Variants in SP110 observed in about 807,000 individuals in gnomAD.
The protein encoded by SP110 is SP110 nuclear body protein.
SP110 carries 62 observed loss-of-function variants against 92.7 expected under a neutral mutation model. The ratio of observed to expected loss-of-function variants is 0.67; its 90% confidence interval spans 0.55 to 0.83. The LOEUF (loss-of-function observed/expected upper bound fraction) is 0.83, where lower values mean the gene tolerates loss of function less well. Among genes scored for constraint, SP110 ranks in the 40% least tolerant of loss-of-function variants. The pLI, the probability that SP110 is intolerant of heterozygous loss-of-function variation, is 0.00. For missense variants in SP110, 793 were observed against 863.9 expected, an observed-to-expected ratio of 0.92 and a Z score of 1.03; for synonymous variants, 273 against 305.3, an observed-to-expected ratio of 0.89 and a Z score of 1.10.
rs539871278 is a variant in SP110 at position 230,189,872 on chromosome 2, CTT to C, written c.1130-3731_1130-3730del. Among the ~76,000 whole-genome samples, 88 of 152,272 alleles carry C rather than the reference CTT, an allele frequency of 5.8e-4. 1 individual carries two copies. The highest frequency in any genetic ancestry group is 1.9e-3 in the African/African-American group (79 of 41,556). ...TCCATGTACCTGCAAAGGACATGAT[CTT>C]ATTACTTTTTATGGCTGCATAGTGT... On this transcript the variant is annotated intron_variant, in intron 10 of 18. Coordinates refer to ENST00000258381, the MANE Select transcript of SP110 (RefSeq NM_080424.4).
intron 8 of SP110, among the ~76,000 whole-genome samples, chr2:230,205,670 A>G (rs1473091571): frequency 6.6e-6 from 1 of 152,206 alleles, no homozygotes; most frequent in Non-Finnish European, 1.5e-5. Context: ...TTGTTGGAAT[A>G]AATGTCTGAA....
intron 14 of SP110, among the ~76,000 whole-genome samples, chr2:230,174,911 TGGCCCTGGAAG>T (rs2106359036): frequency 6.6e-6 from 1 of 152,338 alleles, no homozygotes; most frequent in South Asian, 2.1e-4. Context: ...TCTCCCAACC[TGGCCCTGGAAG>T]GTGGGACTGA....
In SP110 at chr2:230,172,825, G is replaced by C. The variant is rs200267588; in HGVS notation, c.1706+19C>G. The C allele has an allele frequency of 6.6e-7, 1 of 1,517,994 alleles. No homozygotes were observed. Among genetic ancestry groups the C allele is most frequent in the South Asian group, 1.1e-5 (1 of 89,184 alleles). 94.0% of individuals were successfully genotyped at this position (1,517,994 alleles called of 1,614,324 possible). A position where few individuals can be genotyped will look rare whatever the true frequency, so the allele number is the denominator to read the frequency against. On this transcript the variant is annotated intron_variant, in intron 15 of 18. Transcript: ENST00000258381. ...GAGGTGAGTGCTGTGTGCCCGAGGC[G>C]GGGCTGCATCCCACTCACCTCTTGG...
chr2:230,177,418 A>T, intron 14 of SP110, 120 bp downstream of exon 14: 1 of 1,087,854 alleles, frequency 9.2e-7, no homozygotes, highest in Non-Finnish European at 1.4e-6. Context: ...ATGAACATTT[A>T]ACTCCTTATA....
chr2:230,202,867 C>T (rs1359034405), intron 8 of SP110, 139 bp from the exon 9 acceptor site: 2 of 793,942 alleles, frequency 2.5e-6, no homozygotes, highest in Non-Finnish European at 4.4e-6. Context: ...TCACTTTTCT[C>T]CTCCTACTTC....
At chr2:230,198,705 CTG>C (rs983227844) in intron 10 of SP110, among the ~76,000 whole-genome samples, 2 of 152,056 alleles carry the variant, frequency 1.3e-5, no homozygotes, top group Admixed American at 1.3e-4. Flanking sequence ...AGCAATTCTC[CTG>C]TCTCAGCCTC....
At position 230,202,743 on chromosome 2, in the gene SP110, G is replaced by A. The variant is rs1424162378; in HGVS notation, c.899-15C>T. 5 of 1,613,792 alleles carry A rather than the reference G, an allele frequency of 3.1e-6. No homozygotes were observed. In the South Asian group the frequency reaches 3.3e-5, roughly 11 times the overall value. Reference sequence around the variant, plus strand: ...TGAGGCTGTCCCTGGACCAAATAATGACTTGTTAATAGTTTAAATTGGGGT... The same window carrying A: ...TGAGGCTGTCCCTGGACCAAATAATAACTTGTTAATAGTTTAAATTGGGGT... On this transcript the variant is annotated splice_polypyrimidine_tract_variant and intron_variant, in intron 8 of 18. Transcript: ENST00000258381.
intron 8 of SP110, 129 bp downstream of exon 8, chr2:230,207,862 T>G: frequency 1.5e-6 from 1 of 669,072 alleles, no homozygotes; most frequent in South Asian, 1.7e-5. Context: ...ATTGTGTCAC[T>G]TCACTGACTA....
Position 230,200,906 on chromosome 2 carries a change from T to C in SP110, c.1108A>G (p.Thr370Ala), listed in dbSNP as rs2043119278. The part of the protein sequence containing the change: ...EGKRSQKTPS[T>A]PRRVTQGAAS... ...TTACCTTGTGTGACCCTTCGTGGTG[T>C]ACTAGGCGTCTTCTGGGACCTCTTT... The change falls in exon 10 of 19, where the codon ACA becomes GCA. Residue 370 changes from threonine to alanine, a missense_variant. By Grantham distance (58) the Thr-to-Ala change is moderately conservative (BLOSUM62 0). Coordinates refer to ENST00000258381, the MANE Select transcript of SP110 (RefSeq NM_080424.4). 3.7e-6 allele frequency: 6 copies of C among 1,613,626 alleles called. No homozygotes were observed. Among genetic ancestry groups the C allele is most frequent in the Non-Finnish European group, 5.1e-6 (6 of 1,179,530 alleles).
chr2:230,176,943 C>T (rs143264975), intron 14 of SP110, among the ~76,000 whole-genome samples: 39 of 152,306 alleles, frequency 2.6e-4, no homozygotes, highest in Non-Finnish European at 5.9e-5. Context: ...CTCAAACCCA[C>T]GACCCTAGTT....
intron 1 of SP110, among the ~76,000 whole-genome samples, chr2:230,225,300 T>A (rs11695193): frequency 0.11 from 16,853 of 152,288 alleles, 1,216 homozygotes; most frequent in South Asian, 0.2. Flanking sequence ...TCTGCTTTCA[T>A]GGAGTGCTAA....
rs138447730 is a variant in SP110 at position 230,180,591 on chromosome 2, G to C, written c.1349-2336C>G. Among the ~76,000 whole-genome samples, 115 of 152,334 alleles carry C rather than the reference G, an allele frequency of 7.5e-4. No homozygotes were observed. The East Asian group carries it at 0.018, about 23-fold the overall frequency. On this transcript the variant is annotated intron_variant, in intron 12 of 18. Coordinates refer to ENST00000258381, the MANE Select transcript of SP110 (RefSeq NM_080424.4). Reference sequence around the variant, plus strand: ...AGGGACTTGGGGTCAGATGTGGAGAGAGAATTGCCGGTGGTCACCATATTA... The same window carrying C: ...AGGGACTTGGGGTCAGATGTGGAGACAGAATTGCCGGTGGTCACCATATTA...
chr2:230,208,124 T>C, intron 7 of SP110, 65 bp from the exon 8 acceptor site: 1 of 945,876 alleles, frequency 1.1e-6, no homozygotes, highest in South Asian at 1.4e-5. Flanking sequence ...ATGTCAATGA[T>C]ATTCAGCTTT....
rs1232095869 is a variant in SP110 at position 230,215,256 on chromosome 2, CT to C, written c.148-139del. The stretch of plus-strand genomic sequence containing the variant: ...TCAACATAAAATATATAGTCACATT[CT>C]CTAAGGTAGAGCGGTCACAGTTTTA... On this transcript the variant is annotated intron_variant, in intron 2 of 18. Transcript: ENST00000258381. 3 of 718,734 alleles carry C rather than the reference CT, an allele frequency of 4.2e-6. No individual in the cohort carries two copies. The Admixed American group carries it at 8.1e-5, about 19-fold the overall frequency. The allele number at this position is 718,734 out of a possible 1,614,324, so 44.5% of individuals were successfully genotyped here.
At chr2:230,191,284 T>G (rs6750748) in intron 10 of SP110, among the ~76,000 whole-genome samples, 116,031 of 151,788 alleles carry the variant, frequency 0.76, 44,455 homozygotes, top group Admixed American at 0.83. Flanking sequence ...AAGAAATAAG[T>G]AAGATCAGAG....
At position 230,167,897 on chromosome 2, in the gene SP110, C is replaced by T. The variant is rs1332034690; in HGVS notation, c.*1227G>A. 2.6e-5 allele frequency: 4 copies of T among 151,998 alleles called. No homozygotes were observed. Among genetic ancestry groups the T allele is most frequent in the South Asian group, 2.1e-4 (1 of 4,814 alleles). The allele number at this position is 151,998 out of a possible 1,614,324, so 9.4% of individuals were successfully genotyped here. ...GTTACACAGCAATAGATAGCTAATA[C>T]ACCATCAAAGAGTTCTGGGGTCATT... On this transcript the variant is annotated 3_prime_UTR_variant, in exon 19 of 19. Coordinates refer to ENST00000258381, the MANE Select transcript of SP110 (RefSeq NM_080424.4).
chr2:230,169,060 T>G lies in SP110; in HGVS notation c.*64A>C. On this transcript the variant is annotated 3_prime_UTR_variant, in exon 19 of 19. Transcript: ENST00000258381. Reference sequence around the variant, plus strand: ...TCCCAGACTCACTGGCAATCAACAGTCCAAGCCAGGGTCCCATCAGCTGAA... The same window carrying G: ...TCCCAGACTCACTGGCAATCAACAGGCCAAGCCAGGGTCCCATCAGCTGAA... The G allele has an allele frequency of 9.0e-7, 1 of 1,112,638 alleles. No homozygotes were observed. 68.9% of individuals were successfully genotyped at this position (1,112,638 alleles called of 1,614,324 possible). A position where few individuals can be genotyped will look rare whatever the true frequency, so the allele number is the denominator to read the frequency against.
intron 14 of SP110, among the ~76,000 whole-genome samples, chr2:230,175,171 G>A (rs966572235): frequency 7.2e-5 from 11 of 151,878 alleles, no homozygotes; most frequent in Non-Finnish European, 1.5e-4. Flanking sequence ...GATTCTTTTG[G>A]CTATTTTTTC....
chr2:230,217,418 C>A (rs2045338390), intron 1 of SP110, among the ~76,000 whole-genome samples: 2 of 152,050 alleles, frequency 1.3e-5, no homozygotes, highest in South Asian at 4.1e-4. Flanking sequence ...AGGACAATTC[C>A]CAGCAACAAT....
Sources: gnomAD v4.1 joint callset for allele counts (sites outside exome capture counted in the v4.1 genomes callset) on GRCh38, gnomAD v4.1.1 for gene constraint, MANE v1.5 for transcripts, NCBI Gene and HGNC (gene_info 2026-07-23, HGNC 2026-07-21) for gene names.